NPAS3: variants seen among roughly 807,000 people sequenced by gnomAD.
NPAS3 encodes the protein neuronal PAS domain-containing protein 3.
Under a neutral mutation model 73.1 loss-of-function variants are expected in NPAS3, and 14 were observed. The observed-to-expected ratio is 0.19, with a 90% CI of 0.13 to 0.30. The LOEUF is 0.30. Among genes scored for constraint, NPAS3 ranks in the 10% least tolerant of loss-of-function variants. The pLI is 1.00. For missense variants in NPAS3, 1,096 were observed against 1,250.0 expected (o/e 0.88, Z 1.86); for synonymous variants, 620 against 541.5 (o/e 1.14, Z -2.01).
At chr14:33,233,155 C>A (rs1324370034) in intron 3 of NPAS3, among the ~76,000 whole-genome samples, 1 of 152,132 alleles carries the variant, frequency 6.6e-6, no homozygotes, top group Non-Finnish European at 1.5e-5. Flanking sequence ...TTGAATGAAT[C>A]TACCTCAAGG....
chr14:33,518,045 G>A (rs1375308966), intron 4 of NPAS3, among the ~76,000 whole-genome samples: 2 of 152,072 alleles, frequency 1.3e-5, no homozygotes, highest in Non-Finnish European at 2.9e-5. Flanking sequence ...AACAATTCTT[G>A]ACTGACAGCA....
At chr14:33,158,139 G>C (rs2044714885) in intron 2 of NPAS3, among the ~76,000 whole-genome samples, 1 of 152,186 alleles carries the variant, frequency 6.6e-6, no homozygotes, top group Non-Finnish European at 1.5e-5. Flanking sequence ...CAAAATCGTT[G>C]AGCAGTGGTA....
intron 1 of NPAS3, among the ~76,000 whole-genome samples, chr14:32,947,835 A>C (rs1254374617): frequency 6.6e-6 from 1 of 151,938 alleles, no homozygotes; most frequent in African/African-American, 2.4e-5. Context: ...GTGTAAATGT[A>C]ATTTGTTAAT....
At chr14:33,167,828 G>A (rs1388266017) in intron 2 of NPAS3, among the ~76,000 whole-genome samples, 5 of 152,166 alleles carry the variant, frequency 3.3e-5, no homozygotes, top group African/African-American at 7.2e-5. Flanking sequence ...GGAAGTTTAC[G>A]ATGATATTTG....
At chr14:33,377,198 A>G (rs546027609) in intron 4 of NPAS3, among the ~76,000 whole-genome samples, 22 of 152,344 alleles carry the variant, frequency 1.4e-4, no homozygotes, top group African/African-American at 5.3e-4. Flanking sequence ...TTCTTCTCTT[A>G]AAAACCAAAG....
chr14:33,337,949 G>A (rs2044301463), intron 3 of NPAS3, among the ~76,000 whole-genome samples: 1 of 108,558 alleles, frequency 9.2e-6, no homozygotes, highest in Non-Finnish European at 1.8e-5. Context: ...CTAACTTGTG[G>A]ATTATTTCTA....
At chr14:33,383,434 G>A (rs914737150) in intron 4 of NPAS3, among the ~76,000 whole-genome samples, 1 of 152,170 alleles carries the variant, frequency 6.6e-6, no homozygotes, top group African/African-American at 2.4e-5. Context: ...ATCACTTGAA[G>A]AAGACATTTA....
At chr14:32,961,874 AAG>A (rs2139228954) in intron 1 of NPAS3, among the ~76,000 whole-genome samples, 1 of 152,272 alleles carries the variant, frequency 6.6e-6, no homozygotes, top group South Asian at 2.1e-4. Context: ...TAAAACATAA[AAG>A]AGTGAATACA....
At chr14:33,181,584 A>C (rs2045801844) in intron 2 of NPAS3, among the ~76,000 whole-genome samples, 1 of 152,222 alleles carries the variant, frequency 6.6e-6, no homozygotes, top group African/African-American at 2.4e-5. Context: ...TATCTTTGAA[A>C]AATTTAGTAG....
intron 9 of NPAS3, chr14:33,780,830 G>A (rs1289117503): frequency 7.6e-6 from 2 of 263,844 alleles, no homozygotes; most frequent in African/African-American, 2.3e-5. Context: ...TAATTTTTCT[G>A]GTATCTTGCC....
chr14:33,099,320 ATCT>A (rs1387394728), intron 2 of NPAS3, among the ~76,000 whole-genome samples: 2 of 152,212 alleles, frequency 1.3e-5, no homozygotes, highest in Non-Finnish European at 2.9e-5. Flanking sequence ...AGCCATGGAC[ATCT>A]TAATACTATG....
At chr14:33,389,435 A>G (rs2046906625) in intron 4 of NPAS3, among the ~76,000 whole-genome samples, 1 of 152,170 alleles carries the variant, frequency 6.6e-6, no homozygotes, top group Non-Finnish European at 1.5e-5. Context: ...CAAAATATTT[A>G]TGTTATTAGA....
intron 7 of NPAS3, among the ~76,000 whole-genome samples, chr14:33,767,061 G>T (rs868576693): frequency 2.6e-5 from 4 of 152,186 alleles, no homozygotes; most frequent in African/African-American, 9.7e-5. Flanking sequence ...GTTATGAGCC[G>T]CCTTCTCCAT....
At position 33,735,160 on chromosome 14, in the gene NPAS3, G is replaced by A. The variant is rs1449930844; in HGVS notation, c.734-54G>A. Reference sequence around the variant, plus strand: ...AGGATTGCACCTGAGCTGTAGCTGTGAGGGGCTGTGTCAAGATCTAAATCG... The same window carrying A: ...AGGATTGCACCTGAGCTGTAGCTGTAAGGGGCTGTGTCAAGATCTAAATCG... On this transcript the variant is annotated intron_variant, in intron 6 of 11. Transcript: ENST00000356141. 9 of 1,259,786 alleles carry A rather than the reference G, an allele frequency of 7.1e-6. No homozygotes were observed. In the African/African-American group the frequency reaches 1.0e-4, roughly 14 times the overall value. The allele number at this position is 1,259,786 out of a possible 1,614,324, so 78.0% of individuals were successfully genotyped here. A position where few individuals can be genotyped will look rare whatever the true frequency, so the allele number is the denominator to read the frequency against.
At chr14:33,511,606 A>T (rs1174258511) in intron 4 of NPAS3, among the ~76,000 whole-genome samples, 1 of 152,054 alleles carries the variant, frequency 6.6e-6, no homozygotes, top group Non-Finnish European at 1.5e-5. Flanking sequence ...TTTCTTGTGA[A>T]TTAAAAGAAT....
intron 1 of NPAS3, among the ~76,000 whole-genome samples, chr14:33,038,341 T>C (rs17099972): frequency 0.17 from 25,543 of 152,090 alleles, 2,432 homozygotes; most frequent in East Asian, 0.3. Flanking sequence ...ATCAGGTTAA[T>C]ACAAATAATG....
chr14:33,090,854 G>A (rs942770223), intron 2 of NPAS3, among the ~76,000 whole-genome samples: 44 of 152,244 alleles, frequency 2.9e-4, no homozygotes, highest in African/African-American at 9.6e-4. Context: ...ACTCAAAACC[G>A]CTCAACTACA....
intron 3 of NPAS3, among the ~76,000 whole-genome samples, chr14:33,288,425 T>C (rs2041966057): frequency 6.6e-6 from 1 of 152,128 alleles, no homozygotes; most frequent in Non-Finnish European, 1.5e-5. Flanking sequence ...TGGGCGAGCA[T>C]GTTCCCCAGG....
At chr14:33,314,029 T>C (rs929988709) in intron 3 of NPAS3, among the ~76,000 whole-genome samples, 5 of 152,240 alleles carry the variant, frequency 3.3e-5, no homozygotes, top group Admixed American at 6.5e-5. Flanking sequence ...GGATGTTTTC[T>C]GCCTTTTAAA....
Sources: allele counts gnomAD v4.1 joint callset (sites outside exome capture counted in the v4.1 genomes callset), GRCh38; gene constraint gnomAD v4.1.1; transcripts MANE v1.5; gene names NCBI Gene and HGNC (gene_info 2026-07-23, HGNC 2026-07-21).